Variants in ROBO2 observed in about 807,000 individuals in gnomAD.
ROBO2 encodes roundabout guidance receptor 2.
In ROBO2, 53 loss-of-function variants were observed where a neutral mutation model predicts 160.8. The observed-to-expected ratio is 0.33, with a 90% CI of 0.26 to 0.41. The LOEUF (loss-of-function observed/expected upper bound fraction) is 0.41, where lower values mean the gene tolerates loss of function less well. ROBO2 is among the 10% of genes least tolerant of loss of function. The pLI, the probability that ROBO2 is intolerant of heterozygous loss-of-function variation, is 1.00. For missense variants in ROBO2, 1,577 were observed against 1,722.4 expected, an observed-to-expected ratio of 0.92 and a Z score of 1.49; for synonymous variants, 664 against 611.7, an observed-to-expected ratio of 1.09 and a Z score of -1.26.
chr3:77,051,723 T>C (rs1286260537), intron 1 of ROBO2, among the ~76,000 whole-genome samples: 1 of 152,214 alleles, frequency 6.6e-6, no homozygotes, highest in Non-Finnish European at 1.5e-5. Flanking sequence ...AACATGGATC[T>C]CTATAGGAGG....
intron 2 of ROBO2, among the ~76,000 whole-genome samples, chr3:76,600,540 C>CA (rs1417997133): frequency 6.6e-6 from 1 of 152,102 alleles, no homozygotes; most frequent in Non-Finnish European, 1.5e-5. Flanking sequence ...TCACAGCAGG[C>CA]AAGAGAGAGA....
At chr3:77,534,766 G>A (rs1459815889) in intron 6 of ROBO2, among the ~76,000 whole-genome samples, 1 of 152,056 alleles carries the variant, frequency 6.6e-6, no homozygotes, top group Non-Finnish European at 1.5e-5. Flanking sequence ...ATTTACTGAG[G>A]TTATTATTTT....
At chr3:76,027,379 A>G (rs1011032038) in intron 2 of ROBO2, among the ~76,000 whole-genome samples, 1 of 151,872 alleles carries the variant, frequency 6.6e-6, no homozygotes, top group East Asian at 1.9e-4. Context: ...GATCCTTGAC[A>G]TTACAATATT....
chr3:77,205,132 A>G (rs1157388131), intron 2 of ROBO2, among the ~76,000 whole-genome samples: 1 of 152,174 alleles, frequency 6.6e-6, no homozygotes, highest in African/African-American at 2.4e-5. Context: ...TAACCAGCTC[A>G]GTGGAACCAT....
At chr3:76,667,699 A>C (rs557992998) in intron 2 of ROBO2, among the ~76,000 whole-genome samples, 41,493 of 151,704 alleles carry the variant, frequency 0.27, 6,193 homozygotes, top group East Asian at 0.52. Context: ...TTTAGCAGTG[A>C]TCAGACTTTT....
chr3:76,957,789 C>G (rs908169016), intron 2 of ROBO2, among the ~76,000 whole-genome samples: 1 of 151,672 alleles, frequency 6.6e-6, no homozygotes, highest in East Asian at 1.9e-4. Context: ...CAAGACTGCG[C>G]CACTGCACTC....
chr3:77,277,311 A>G (rs2059950406), intron 2 of ROBO2, among the ~76,000 whole-genome samples: 1 of 148,884 alleles, frequency 6.7e-6, no homozygotes, highest in Admixed American at 6.8e-5. Flanking sequence ...CTATTATTTT[A>G]AGTTCAGGTG....
At chr3:76,079,018 G>GAAGACATCATGT (rs1210581511) in intron 2 of ROBO2, among the ~76,000 whole-genome samples, 2 of 152,070 alleles carry the variant, frequency 1.3e-5, no homozygotes, top group Non-Finnish European at 1.5e-5. Context: ...GACGGAACTG[G>GAAGACATCATGT]AAGACATCAT....
At chr3:77,047,039 G>A (rs1011271934) in intron 1 of ROBO2, among the ~76,000 whole-genome samples, 2 of 152,168 alleles carry the variant, frequency 1.3e-5, no homozygotes. Context: ...AATCTGGGAA[G>A]GGTCAACACC....
intron 2 of ROBO2, among the ~76,000 whole-genome samples, chr3:76,191,352 C>T (rs911949015): frequency 3.3e-5 from 5 of 151,824 alleles, no homozygotes; most frequent in Admixed American, 6.6e-5. Flanking sequence ...TTATTCTCAA[C>T]GACAGCTGAC....
chr3:76,619,382 A>C (rs1285127583), intron 2 of ROBO2, among the ~76,000 whole-genome samples: 2 of 151,806 alleles, frequency 1.3e-5, no homozygotes, highest in African/African-American at 4.8e-5. Flanking sequence ...CTTTCAAATT[A>C]TCTCTGTGTC....
intron 2 of ROBO2, among the ~76,000 whole-genome samples, chr3:76,582,517 C>A (rs537094306): frequency 6.6e-6 from 1 of 152,078 alleles, no homozygotes; most frequent in South Asian, 2.1e-4. Context: ...TTTTAAAAAT[C>A]TTTCTCCCTC....
rs537298472 is a variant in ROBO2 at position 77,638,163 on chromosome 3, A to G, written c.3934+3120A>G. 1.4e-4 allele frequency among the ~76,000 whole-genome samples: 22 copies of G among 152,336 alleles called. No homozygotes were observed. The South Asian group carries it at 1.7e-3, about 11-fold the overall frequency. ...ATTTTGCAGCAAATGCATATGCCAT[A>G]GCATTTATATGGTATGGATCCATAT... On this transcript the variant is annotated intron_variant, in intron 24 of 25. Transcript: ENST00000461745.
At chr3:76,471,921 G>A (rs1017292162) in intron 2 of ROBO2, among the ~76,000 whole-genome samples, 14 of 152,092 alleles carry the variant, frequency 9.2e-5, no homozygotes, top group African/African-American at 3.4e-4. Flanking sequence ...AGAAAAGCAT[G>A]GAGGTAACCG....
chr3:76,997,591 G>A (rs1165905917), intron 2 of ROBO2, among the ~76,000 whole-genome samples: 1 of 152,156 alleles, frequency 6.6e-6, no homozygotes, highest in Non-Finnish European at 1.5e-5. Flanking sequence ...TAATTATTGT[G>A]TTACAAGTGA....
intron 2 of ROBO2, among the ~76,000 whole-genome samples, chr3:77,030,581 C>T (rs1434929503): frequency 6.6e-6 from 1 of 152,168 alleles, no homozygotes; most frequent in African/African-American, 2.4e-5. Context: ...GTTATAAAGC[C>T]TAGACCTCCA....
rs544296021 is a variant in ROBO2 at position 77,477,695 on chromosome 3, C to G, written c.546+124C>G. On this transcript the variant is annotated intron_variant, in intron 3 of 25. Transcript: ENST00000461745. Reference sequence around the variant, plus strand: ...ATTTGAATGTTAATTACAATTTATACTGCCTTGAAAAGATTTAAAAACATT... The same window carrying G: ...ATTTGAATGTTAATTACAATTTATAGTGCCTTGAAAAGATTTAAAAACATT... The G allele has an allele frequency of 2.5e-5, 26 of 1,033,846 alleles. No homozygotes were observed. The African/African-American group carries it at 4.0e-4, about 16-fold the overall frequency. The allele number at this position is 1,033,846 out of a possible 1,614,324, so 64.0% of individuals were successfully genotyped here. A position where few individuals can be genotyped will look rare whatever the true frequency, so the allele number is the denominator to read the frequency against.
intron 9 of ROBO2, among the ~76,000 whole-genome samples, chr3:77,561,266 G>A (rs1004488157): frequency 5.9e-5 from 9 of 152,084 alleles, no homozygotes; most frequent in African/African-American, 1.9e-4. Flanking sequence ...TTCCATGAGC[G>A]ACTATATTTC....
chr3:76,758,825 G>A (rs2061135897), intron 2 of ROBO2, among the ~76,000 whole-genome samples: 1 of 151,836 alleles, frequency 6.6e-6, no homozygotes, highest in African/African-American at 2.4e-5. Flanking sequence ...AGTGGGAAGG[G>A]CTTTGGTTAT....
Sources: gnomAD v4.1 joint callset for allele counts (sites outside exome capture counted in the v4.1 genomes callset) on GRCh38, gnomAD v4.1.1 for gene constraint, MANE v1.5 for transcripts, NCBI Gene and HGNC (gene_info 2026-07-23, HGNC 2026-07-21) for gene names.